GLIS3: variants seen among roughly 807,000 people sequenced by gnomAD.
GLIS3 encodes the protein zinc finger protein GLIS3.
A neutral mutation model predicts 78.6 loss-of-function variants in GLIS3; 53 were observed. The ratio of observed to expected loss-of-function variants is 0.67; its 90% CI spans 0.54 to 0.85. GLIS3 has a LOEUF of 0.85. Ranked by LOEUF, GLIS3 falls within the 40% of genes least tolerant of loss-of-function variation. The pLI is 0.00. For missense variants in GLIS3, 1,703 were observed against 1,231.1 expected (o/e 1.38, Z -5.74); for synonymous variants, 684 against 509.9 (o/e 1.34, Z -4.60).
intron 7 of GLIS3, among the ~76,000 whole-genome samples, chr9:3,897,046 C>G (rs1406660368): frequency 2.0e-5 from 3 of 152,238 alleles, no homozygotes; most frequent in Non-Finnish European, 4.4e-5. Context: ...CATATAAAAA[C>G]AGACACCAAG....
intron 4 of GLIS3, among the ~76,000 whole-genome samples, chr9:3,950,333 G>A (rs1039543600): frequency 2.0e-5 from 3 of 152,136 alleles, no homozygotes; most frequent in Admixed American, 2.0e-4. Context: ...ATCTAATAAT[G>A]TTCCTCTTCT....
intron 3 of GLIS3, among the ~76,000 whole-genome samples, chr9:4,122,128 G>A (rs1210537035): frequency 2.0e-5 from 3 of 152,182 alleles, no homozygotes; most frequent in African/African-American, 7.2e-5. Context: ...TGATTAGGGT[G>A]GCTGGTTAAC....
chr9:4,172,266 C>A (rs1364608426), intron 2 of GLIS3, among the ~76,000 whole-genome samples: 3 of 152,146 alleles, frequency 2.0e-5, no homozygotes, highest in Non-Finnish European at 4.4e-5. Flanking sequence ...AGTGGCTCAG[C>A]TCCAGTCCTC....
intron 2 of GLIS3, among the ~76,000 whole-genome samples, chr9:4,332,928 C>A (rs1431198187): frequency 6.6e-6 from 1 of 152,184 alleles, no homozygotes; most frequent in Non-Finnish European, 1.5e-5. Flanking sequence ...ATTATTGTGA[C>A]TAACAGGACT....
At chr9:4,242,398 A>G (rs556711564) in intron 2 of GLIS3, among the ~76,000 whole-genome samples, 68 of 152,292 alleles carry the variant, frequency 4.5e-4, no homozygotes, top group African/African-American at 1.6e-3. Context: ...CTGAGGAACA[A>G]TTCCCTTTAT....
intron 3 of GLIS3, among the ~76,000 whole-genome samples, chr9:4,121,578 T>C (rs1564082322): frequency 6.6e-6 from 1 of 151,758 alleles, no homozygotes; most frequent in Non-Finnish European, 1.5e-5. Context: ...ATAACTTCTA[T>C]TTTACAAAGA....
Position 4,125,909 on chromosome 9 carries a change from T to C in GLIS3, c.421A>G (p.Ile141Val). The change falls in exon 3 of 11, where the codon ATT becomes GTT. Residue 141 changes from isoleucine to valine, a missense_variant. Physicochemically the swap from Ile to Val is conservative, Grantham distance 29. Transcript: ENST00000381971. ...AGATTGTTGCAGCTGCCTTTTCCAA[T>C]GGACTTGCACTGAGGCCCAAAGCCA... ...ALGFGPQCKS[I>V]GKGSCNNLVV... 1 of 1,613,916 alleles carries C rather than the reference T, an allele frequency of 6.2e-7. No individual in the cohort carries two copies. The highest frequency in any genetic ancestry group is 2.2e-5 in the East Asian group (1 of 44,852).
chr9:3,979,254 T>C (rs905652528), intron 4 of GLIS3, among the ~76,000 whole-genome samples: 2 of 152,200 alleles, frequency 1.3e-5, no homozygotes, highest in Admixed American at 6.6e-5. Context: ...TCCTCTGCAA[T>C]GCTATTCATC....
intron 4 of GLIS3, among the ~76,000 whole-genome samples, chr9:4,037,244 G>A (rs1327530515): frequency 2.6e-5 from 4 of 152,130 alleles, no homozygotes; most frequent in South Asian, 2.1e-4. Flanking sequence ...CGTAGCACAG[G>A]AGCCTAGCAC....
At chr9:3,902,092 G>A (rs986872091) in intron 6 of GLIS3, among the ~76,000 whole-genome samples, 4 of 152,198 alleles carry the variant, frequency 2.6e-5, no homozygotes, top group African/African-American at 9.7e-5. Context: ...TCAAAGACGG[G>A]CAATTCTTTC....
chr9:4,390,007 T>A, the GLIS3 span, among the ~76,000 whole-genome samples: 1 of 152,196 alleles, frequency 6.6e-6, no homozygotes, highest in Non-Finnish European at 1.5e-5. Context: ...TTTCATTCCA[T>A]CAACACTTCC....
chr9:4,483,278 T>G, the GLIS3 span, among the ~76,000 whole-genome samples: 1 of 152,192 alleles, frequency 6.6e-6, no homozygotes, highest in Admixed American at 6.5e-5. Flanking sequence ...CCGCGTGAAA[T>G]GTATTTAGTG....
chr9:4,238,425 C>T (rs890953564), intron 2 of GLIS3, among the ~76,000 whole-genome samples: 1 of 152,138 alleles, frequency 6.6e-6, no homozygotes, highest in African/African-American at 2.4e-5. Flanking sequence ...AGATGTAAAT[C>T]ATCCCCCAAC....
chr9:4,117,355 A>C (rs1225905234), intron 4 of GLIS3, among the ~76,000 whole-genome samples: 1 of 152,134 alleles, frequency 6.6e-6, no homozygotes, highest in East Asian at 1.9e-4. Flanking sequence ...TCTCCATCCC[A>C]ATTCTAGCCC....
intron 4 of GLIS3, among the ~76,000 whole-genome samples, chr9:4,068,462 T>C (rs1827292103): frequency 6.6e-6 from 1 of 152,224 alleles, no homozygotes. Context: ...AAATATTTTA[T>C]GTAGGCAAAG....
chr9:4,092,950 G>A (rs938275507), intron 4 of GLIS3, among the ~76,000 whole-genome samples: 3 of 152,156 alleles, frequency 2.0e-5, no homozygotes, highest in Non-Finnish European at 2.9e-5. Flanking sequence ...CCCCATGCAC[G>A]TGAATAATGA....
At chr9:3,832,314 A>G (rs979754209) in intron 9 of GLIS3, among the ~76,000 whole-genome samples, 1 of 152,052 alleles carries the variant, frequency 6.6e-6, no homozygotes, top group African/African-American at 2.4e-5. Context: ...TTTATTGAGG[A>G]AAATAAAATT....
intron 4 of GLIS3, among the ~76,000 whole-genome samples, chr9:3,962,479 G>T (rs1817632946): frequency 6.6e-6 from 1 of 152,100 alleles, no homozygotes; most frequent in Admixed American, 6.5e-5. Context: ...GGGGGTACCA[G>T]TTCCCTAATG....
chr9:3,962,048 T>A (rs1817591722), intron 4 of GLIS3, among the ~76,000 whole-genome samples: 1 of 151,790 alleles, frequency 6.6e-6, no homozygotes, highest in East Asian at 1.9e-4. Flanking sequence ...CTACAAAAAA[T>A]AATAATAATA....
Sources: gnomAD v4.1 joint callset for allele counts (sites outside exome capture counted in the v4.1 genomes callset) on GRCh38, gnomAD v4.1.1 for gene constraint, MANE v1.5 for transcripts, NCBI Gene and HGNC (gene_info 2026-07-23, HGNC 2026-07-21) for gene names.